Variants in REST observed in about 807,000 individuals in gnomAD.
REST encodes RE1 silencing transcription factor.
Under a neutral mutation model 30.4 loss-of-function variants are expected in REST, and 1 was observed. The ratio of observed to expected loss-of-function variants is 0.03; its 90% CI spans 0.01 to 0.16. The LOEUF (loss-of-function observed/expected upper bound fraction) is 0.16, where lower values mean the gene tolerates loss of function less well. Ranked by LOEUF, REST falls within the 10% of genes least tolerant of loss-of-function variation. The pLI, the probability that REST is intolerant of heterozygous loss-of-function variation, is 1.00. For missense variants in REST, 1,259 were observed against 1,329.5 expected, an observed-to-expected ratio of 0.95 and a Z score of 0.82; for synonymous variants, 504 against 451.1, an observed-to-expected ratio of 1.12 and a Z score of -1.49.
In REST at chr4:56,934,250, C is replaced by T. The variant is rs1300174055; in HGVS notation, c.*2098C>T. On this transcript the variant is annotated 3_prime_UTR_variant, in exon 4 of 4. Transcript: ENST00000309042. ...TTTAATGTTCATGGGTACATTTTACCTAAGTTACCGTTTACATTGTATAGA... is the reference window on the plus strand; with the variant it reads ...TTTAATGTTCATGGGTACATTTTACTTAAGTTACCGTTTACATTGTATAGA... The T allele has an allele frequency of 1.3e-5, 2 of 152,044 alleles. No individual in the cohort carries two copies. Among genetic ancestry groups the T allele is most frequent in the Non-Finnish European group, 2.9e-5 (2 of 68,014 alleles). The allele number at this position is 152,044 out of a possible 1,614,324, so 9.4% of individuals were successfully genotyped here.
At chr4:56,914,777 C>T (rs1453788207) in intron 2 of REST, among the ~76,000 whole-genome samples, 1 of 152,130 alleles carries the variant, frequency 6.6e-6, no homozygotes, top group African/African-American at 2.4e-5. Flanking sequence ...TAGTCTTGAA[C>T]TCCTGACCTC....
chr4:56,914,884 C>T (rs973748703), intron 2 of REST, among the ~76,000 whole-genome samples: 6 of 148,026 alleles, frequency 4.1e-5, no homozygotes, highest in African/African-American at 1.2e-4. Flanking sequence ...CTTATTTTTC[C>T]CCAGTATTAC....
In REST at chr4:56,933,876, C is replaced by G. The variant is rs1283174199; in HGVS notation, c.*1724C>G. 2 of 152,184 alleles carry G rather than the reference C, an allele frequency of 1.3e-5. No homozygotes were observed. Among genetic ancestry groups the G allele is most frequent in the Non-Finnish European group, 2.9e-5 (2 of 68,030 alleles). 9.4% of individuals were successfully genotyped at this position (152,184 alleles called of 1,614,324 possible). On this transcript the variant is annotated 3_prime_UTR_variant, in exon 4 of 4. Transcript: ENST00000309042. The stretch of plus-strand genomic sequence containing the variant: ...TTTCATTTTTTAAAAATCTGATGAT[C>G]TCTTTGAGGCAGGTTTCAGATTTGG...
At position 56,931,697 on chromosome 4, in the gene REST, A is replaced by T; in HGVS notation, c.2839A>T (p.Met947Leu). Residue 947 changes from methionine (M) to leucine (L), a missense_variant, in exon 4 of 4, where the codon ATG (methionine) becomes TTG (leucine). Met to Leu is a conservative substitution (Grantham distance 15). This residue lies in a region of REST where 856 missense variants were observed against 772.8 expected (regional missense o/e 1.11). Transcript: ENST00000309042. ...KHQTDSIVCE[M>L]KMDTDQNTRE... ...TCAGACTGACAGTATAGTTTGTGAA[A>T]TGAAAATGGACACTGATCAGAACAC... The T allele has an allele frequency of 6.2e-7, 1 of 1,614,272 alleles. No individual in the cohort carries two copies. The highest frequency in any genetic ancestry group is 8.5e-7 in the Non-Finnish European group (1 of 1,180,052).
chr4:56,930,823 G>C lies in REST; in HGVS notation c.1965G>C (p.Glu655Asp). ...RPAPDEPVQM[E>D]VVQEGPAQKE... is the part of the protein sequence containing the mutation. ...CTCCTGACGAGCCTGTTCAGATGGA[G>C]GTGGTTCAGGAGGGGCCTGCTCAGA... Residue 655 changes from glutamate to aspartate, a missense_variant, in exon 4 of 4, where the codon GAG (glutamate) becomes GAC (aspartate). Glu to Asp is a conservative substitution (Grantham distance 45). Transcript: ENST00000309042. 1 of 1,610,858 alleles carries C rather than the reference G, an allele frequency of 6.2e-7. No individual in the cohort carries two copies. The highest frequency in any genetic ancestry group is 1.3e-5 in the African/African-American group (1 of 74,876).
chr4:56,913,219 G>C (rs918526038), intron 2 of REST, among the ~76,000 whole-genome samples: 1 of 152,076 alleles, frequency 6.6e-6, no homozygotes, highest in African/African-American at 2.4e-5. Context: ...CCAGGCAGTG[G>C]TGTGATCACA....
At chr4:56,908,410 A>C (rs1209348434) in intron 1 of REST, among the ~76,000 whole-genome samples, 197 bp downstream of exon 1, 10 of 149,952 alleles carry the variant, frequency 6.7e-5, no homozygotes, top group Non-Finnish European at 4.5e-5. Flanking sequence ...GTTACACAGC[A>C]GCCGCCCGGG....
In REST at chr4:56,918,972, C is replaced by T. The variant is rs1380080167; in HGVS notation, c.899-815C>T. Among the ~76,000 whole-genome samples, 4 of 150,290 alleles carry T rather than the reference C, an allele frequency of 2.7e-5. No homozygotes were observed. The East Asian group carries it at 5.9e-4, about 22-fold the overall frequency. On this transcript the variant is annotated intron_variant, in intron 2 of 3. Coordinates refer to ENST00000309042, the MANE Select transcript of REST (RefSeq NM_005612.5). The stretch of plus-strand genomic sequence containing the variant: ...AGTCAGGGGCCACAATCCCCATGCT[C>T]AGCCCAGGCTATTTTTTTTTTTTTT...
In REST at chr4:56,919,783, G is replaced by A. The variant is rs1425895969; in HGVS notation, c.899-4G>A. On this transcript the variant is annotated splice_polypyrimidine_tract_variant and splice_region_variant and intron_variant, in intron 2 of 3. Transcript: ENST00000309042. Reference sequence around the variant, plus strand: ...AACACTCTTATATTATTGAAATTTTGCAGGAGAACGCCCATATAAATGTGA... The same window carrying A: ...AACACTCTTATATTATTGAAATTTTACAGGAGAACGCCCATATAAATGTGA... The A allele has an allele frequency of 2.5e-6, 4 of 1,588,956 alleles. No individual in the cohort carries two copies. The highest frequency in any genetic ancestry group is 3.4e-6 in the Non-Finnish European group (4 of 1,160,824).
Position 56,911,547 on chromosome 4 carries a change from C to T in REST, c.898+11C>T. 1 of 1,596,628 alleles carries T rather than the reference C, an allele frequency of 6.3e-7. No homozygotes were observed. The highest frequency in any genetic ancestry group is 8.6e-7 in the Non-Finnish European group (1 of 1,167,868). On this transcript the variant is annotated intron_variant, in intron 2 of 3. Transcript: ENST00000309042. ...TTAGAACTCATACAGGTAAGAGAAG[C>T]TTTCTAGTCCATAAGTTCAGTTCTC... is the stretch of plus-strand genomic sequence containing the variant.
rs1181877521 is a variant in REST, at chr4:56,931,155, C to T, written c.2297C>T (p.Ser766Phe). Residue 766 changes from serine to phenylalanine, a missense_variant, in exon 4 of 4, where the codon TCT becomes TTT. By Grantham distance (155) the Ser-to-Phe change is radical. Around this residue, in one of 5 missense-constraint regions of REST, gnomAD observed 856 missense variants for 772.8 expected, o/e 1.11. Coordinates refer to ENST00000309042, the MANE Select transcript of REST (RefSeq NM_005612.5). ...VQKEPVKIEL[S>F]PPIEVVQKEP... Reference sequence around the variant, plus strand: ...AAGGAACCTGTTAAGATAGAGCTGTCTCCTCCCATAGAGGTGGTCCAGAAG... The same window carrying T: ...AAGGAACCTGTTAAGATAGAGCTGTTTCCTCCCATAGAGGTGGTCCAGAAG... The T allele has an allele frequency of 2.5e-6, 4 of 1,607,986 alleles. No homozygotes were observed. In the African/African-American group the frequency reaches 5.4e-5, roughly 22 times the overall value.
Position 56,930,770 on chromosome 4 carries a change from C to T in REST, c.1912C>T (p.Gln638Ter). ...GCCGCCACCTCCCATGGAGCATGCT[C>T]AGATGGAGGGTGCCCAGATACGGCC... is the stretch of plus-strand genomic sequence containing the variant. Reference protein sequence around the residue: ...VEPPPPMEHAQMEGAQIRPAP... With the variant: ...VEPPPPMEHA The change falls in exon 4 of 4, where the codon CAG (glutamine) becomes TAG (stop). Residue 638 changes from glutamine (Q) to a stop codon, truncating the protein, a stop_gained. Transcript: ENST00000309042. LOFTEE classifies it low-confidence loss of function (END_TRUNC). 1 of 1,604,688 alleles carries T rather than the reference C, an allele frequency of 6.2e-7. No homozygotes were observed. The highest frequency in any genetic ancestry group is 8.5e-7 in the Non-Finnish European group (1 of 1,176,398).
chr4:56,910,887 C>T lies in REST; in HGVS notation c.249C>T (p.Asn83=), dbSNP rs769334961. 1 of 1,614,156 alleles carries T rather than the reference C, an allele frequency of 6.2e-7. No homozygotes were observed. The highest frequency in any genetic ancestry group is 1.1e-5 in the South Asian group (1 of 91,082). The stretch of plus-strand genomic sequence containing the variant: ...AACTGATGCCGGTTGGGGATAACAA[C>T]TTTTCAGATAGTGAAGAAGGAGAAG... ...MAELMPVGDN[N]FSDSEEGEGL... Residue 83 remains asparagine (N), a synonymous_variant, in exon 2 of 4, where the codon AAC becomes AAT. Coordinates refer to ENST00000309042, the MANE Select transcript of REST (RefSeq NM_005612.5).
At chr4:56,910,555 T>TA (rs1719846917) in intron 1 of REST, 75 bp from the exon 2 acceptor site, 5 of 1,275,476 alleles carry the variant, frequency 3.9e-6, no homozygotes, top group Non-Finnish European at 5.3e-6. Flanking sequence ...TATGAAGAAT[T>TA]ACAGCGATGT....
At chr4:56,929,236 T>C (rs1001514774) in intron 3 of REST, among the ~76,000 whole-genome samples, 1 of 152,122 alleles carries the variant, frequency 6.6e-6, no homozygotes, top group East Asian at 1.9e-4. Context: ...CCCAGCTAAT[T>C]TTTTTTGTAT....
At chr4:56,922,575 C>T (rs1257387191) in intron 3 of REST, among the ~76,000 whole-genome samples, 1 of 151,946 alleles carries the variant, frequency 6.6e-6, no homozygotes, top group African/African-American at 2.4e-5. Flanking sequence ...AGCCTCCCAA[C>T]GTGCTGGGAT....
chr4:56,908,013 A>T lies in REST; in HGVS notation c.-210A>T. ...CCCAGACCCTGGCGGCGGCTGCCGC[A>T]GCCGAGACGGCAGGGCGAGGCCCGG... On this transcript the variant is annotated 5_prime_UTR_variant, in exon 1 of 4. Coordinates refer to ENST00000309042, the MANE Select transcript of REST (RefSeq NM_005612.5). 2.9e-6 allele frequency: 1 copy of T among 346,766 alleles called. No individual in the cohort carries two copies. Among genetic ancestry groups the T allele is most frequent in the Non-Finnish European group, 5.2e-6 (1 of 193,810 alleles). The allele number at this position is 346,766 out of a possible 1,614,324, so 21.5% of individuals were successfully genotyped here.
chr4:56,910,653 A>G lies in REST; in HGVS notation c.15A>G (p.Val5=). 1 of 1,609,594 alleles carries G rather than the reference A, an allele frequency of 6.2e-7. No homozygotes were observed. Among genetic ancestry groups the G allele is most frequent in the Middle Eastern group, 1.7e-4 (1 of 6,042 alleles). Residue 5 remains valine (V), a synonymous_variant, in exon 2 of 4, where the codon GTA becomes GTG. Transcript: ENST00000309042. Reference sequence around the variant, plus strand: ...AGAATACAGTTATGGCCACCCAGGTAATGGGGCAGTCTTCTGGAGGAGGAG... The same window carrying G: ...AGAATACAGTTATGGCCACCCAGGTGATGGGGCAGTCTTCTGGAGGAGGAG... MATQ[V]MGQSSGGGGL...
chr4:56,910,422 G>C (rs978878086), intron 1 of REST, among the ~76,000 whole-genome samples: 4 of 152,220 alleles, frequency 2.6e-5, no homozygotes, highest in African/African-American at 9.6e-5. Context: ...TATAGGGATA[G>C]TAGAAATTTT....
Sources: allele counts gnomAD v4.1 joint callset (sites outside exome capture counted in the v4.1 genomes callset), GRCh38; gene constraint gnomAD v4.1.1; regional missense constraint gnomAD v4.1.1; transcripts MANE v1.5; gene names NCBI Gene and HGNC (gene_info 2026-07-23, HGNC 2026-07-21).